Variants in POLN observed in about 807,000 individuals in gnomAD.
POLN encodes the protein DNA polymerase N.
Under a neutral mutation model 113.5 loss-of-function variants are expected in POLN, and 108 were observed. The ratio of observed to expected loss-of-function variants is 0.95; its 90% CI spans 0.81 to 1.12. POLN has a LOEUF of 1.12. Among genes scored for constraint, POLN ranks in the 50% most tolerant of loss-of-function variants. POLN has a pLI of 0.00. For synonymous variants in POLN, 386 were observed against 391.5 expected, an observed-to-expected ratio of 0.99 and a Z score of 0.17; for missense variants, 1,097 against 1,077.1, an observed-to-expected ratio of 1.02 and a Z score of -0.26.
At chr4:2,100,952 T>C (rs1375496601) in intron 19 of POLN, among the ~76,000 whole-genome samples, 1 of 152,228 alleles carries the variant, frequency 6.6e-6, no homozygotes, top group African/African-American at 2.4e-5. Flanking sequence ...GAAATACATA[T>C]ACAGAGTAGA....
At chr4:2,136,082 T>C (rs901629099) in intron 16 of POLN, among the ~76,000 whole-genome samples, 11 of 152,244 alleles carry the variant, frequency 7.2e-5, no homozygotes, top group Non-Finnish European at 2.9e-5. Context: ...TCCCCTCGTG[T>C]TGACCACCCA....
At position 2,241,682 on chromosome 4, in the gene POLN, A is replaced by G. The variant is rs1222828360; in HGVS notation, c.-175T>C. ...GACGCCAGGGCCGCGCGAACCCCAG[A>G]GGCAGCGGCAAGCCCCAGGGATCCG... On this transcript the variant is annotated 5_prime_UTR_variant, in exon 2 of 26. Transcript: ENST00000511885. The G allele has an allele frequency of 6.1e-6, 6 of 985,488 alleles. No individual in the cohort carries two copies. Among genetic ancestry groups the G allele is most frequent in the Non-Finnish European group, 7.2e-6 (6 of 829,950 alleles). 61.0% of individuals were successfully genotyped at this position (985,488 alleles called of 1,614,324 possible).
rs1457422676 is a variant in POLN, at chr4:2,127,300, G to C, written c.1982+813C>G. On this transcript the variant is annotated intron_variant, in intron 19 of 25. Coordinates refer to ENST00000511885, the MANE Select transcript of POLN (RefSeq NM_181808.4). The surrounding 1 kb of genome is among the most constrained non-coding windows in gnomAD (Gnocchi z 4.7). ...ACACTTCCCCCTCCCCTTCCTCAAAGGGGCACTGATGCACCCGGCCCGGTG... is the reference window on the plus strand; with the variant it reads ...ACACTTCCCCCTCCCCTTCCTCAAACGGGCACTGATGCACCCGGCCCGGTG... 6.6e-6 allele frequency among the ~76,000 whole-genome samples: 1 copy of C among 152,062 alleles called. No individual in the cohort carries two copies. The highest frequency in any genetic ancestry group is 1.5e-5 in the Non-Finnish European group (1 of 67,990).
rs572129414 is a variant in POLN at position 2,161,542 on chromosome 4, G to A, written c.1555-2331C>T. Among the ~76,000 whole-genome samples the A allele has an allele frequency of 2.1e-3, 316 of 152,334 alleles. 1 individual carries two copies. Among genetic ancestry groups the A allele is most frequent in the African/African-American group, 7.2e-3 (301 of 41,572 alleles). On this transcript the variant is annotated intron_variant, in intron 13 of 25. Coordinates refer to ENST00000511885, the MANE Select transcript of POLN (RefSeq NM_181808.4). ...GGGACCTGCAACCCGCCATGCCTTAGCCTCCCACCCCCTCCGTGGGCTCCT... is the reference window on the plus strand; with the variant it reads ...GGGACCTGCAACCCGCCATGCCTTAACCTCCCACCCCCTCCGTGGGCTCCT...
In POLN at chr4:2,231,693, T is replaced by C. The variant is rs78253267; in HGVS notation, c.-12-2450A>G. 1.2e-3 allele frequency: 379 copies of C among 311,840 alleles called. 1 individual carries two copies. The highest frequency in any genetic ancestry group is 7.4e-3 in the African/African-American group (342 of 46,212). 19.3% of individuals were successfully genotyped at this position (311,840 alleles called of 1,614,324 possible). On this transcript the variant is annotated intron_variant, in intron 2 of 25. Transcript: ENST00000511885. The stretch of plus-strand genomic sequence containing the variant: ...GCATTATGTAATAATGCTTTTTCCC[T>C]GTAAGTAAAAAATTACCAGGACTAA...
chr4:2,173,116 C>T (rs550363587), intron 11 of POLN, among the ~76,000 whole-genome samples: 5 of 152,214 alleles, frequency 3.3e-5, no homozygotes, highest in Admixed American at 2.6e-4. Flanking sequence ...AGAAAAGCAA[C>T]GATGAAAAGG....
At chr4:2,205,675 CCAGCCTG>C (rs1430829588) in intron 5 of POLN, among the ~76,000 whole-genome samples, 1 of 152,114 alleles carries the variant, frequency 6.6e-6, no homozygotes, top group Non-Finnish European at 1.5e-5. Context: ...GAGTTCGAGA[CCAGCCTG>C]GTCAATATGG....
chr4:2,222,772 G>A (rs540144591), intron 3 of POLN, among the ~76,000 whole-genome samples: 1 of 143,176 alleles, frequency 7.0e-6, no homozygotes, highest in South Asian at 2.2e-4. Flanking sequence ...GTCTTCAACT[G>A]CCTTGTACTT....
At chr4:2,170,181 CTG>C (rs1732824147) in intron 13 of POLN, among the ~76,000 whole-genome samples, 1 of 152,250 alleles carries the variant, frequency 6.6e-6, no homozygotes, top group Non-Finnish European at 1.5e-5. Flanking sequence ...GACTTCCACT[CTG>C]TGTCTTTTCA....
chr4:2,209,399 A>C (rs1261904375), intron 4 of POLN, among the ~76,000 whole-genome samples: 1 of 151,006 alleles, frequency 6.6e-6, no homozygotes, highest in Non-Finnish European at 1.5e-5. Flanking sequence ...GAATCGCTTG[A>C]ACCTGGAAGG....
intron 4 of POLN, among the ~76,000 whole-genome samples, chr4:2,210,799 T>C (rs891487616): frequency 2.1e-4 from 32 of 149,868 alleles, no homozygotes; most frequent in Admixed American, 5.3e-4. Flanking sequence ...CATGCACCTG[T>C]AACCCCAGCT....
chr4:2,155,623 T>G (rs1429187138), intron 16 of POLN, among the ~76,000 whole-genome samples: 5 of 152,142 alleles, frequency 3.3e-5, no homozygotes, highest in Non-Finnish European at 7.4e-5. Flanking sequence ...CATTTGCTCA[T>G]TCTGTAAACC....
At chr4:2,189,358 G>A (rs940021651) in intron 7 of POLN, among the ~76,000 whole-genome samples, 21 of 152,212 alleles carry the variant, frequency 1.4e-4, no homozygotes, top group Admixed American at 1.1e-3. Flanking sequence ...CAATGTTACC[G>A]GCCAGGCACA....
At chr4:2,167,278 T>G (rs1732752410) in intron 13 of POLN, among the ~76,000 whole-genome samples, 1 of 152,176 alleles carries the variant, frequency 6.6e-6, no homozygotes, top group Non-Finnish European at 1.5e-5. Flanking sequence ...ACCCCAAGGC[T>G]GGACCATCTT....
At chr4:2,115,659 C>T (rs866026946) in intron 19 of POLN, among the ~76,000 whole-genome samples, 2 of 152,030 alleles carry the variant, frequency 1.3e-5, no homozygotes, top group African/African-American at 4.8e-5. Context: ...AGATATTTTG[C>T]ATAAAAGAAT....
intron 16 of POLN, among the ~76,000 whole-genome samples, chr4:2,132,947 TTTTGAG>T (rs1731761552): frequency 1.3e-5 from 2 of 152,156 alleles, no homozygotes; most frequent in African/African-American, 4.8e-5. Flanking sequence ...AAATCAGCTT[TTTTGAG>T]TTCAATGGCT....
intron 13 of POLN, among the ~76,000 whole-genome samples, chr4:2,161,089 G>C (rs1430205253): frequency 6.6e-6 from 1 of 152,178 alleles, no homozygotes; most frequent in Admixed American, 6.5e-5. Flanking sequence ...CAGTGGTACT[G>C]AGAGGTGACA....
chr4:2,212,554 T>G (rs1000716032), intron 4 of POLN, among the ~76,000 whole-genome samples: 8 of 151,752 alleles, frequency 5.3e-5, no homozygotes, highest in African/African-American at 9.7e-5. Context: ...TTTTTTTTTT[T>G]GTATTATTTT....
At chr4:2,135,639 G>A (rs1418699390) in intron 16 of POLN, among the ~76,000 whole-genome samples, 2 of 152,222 alleles carry the variant, frequency 1.3e-5, no homozygotes, top group Non-Finnish European at 2.9e-5. Flanking sequence ...GACTGTGGTG[G>A]GAAGCGACAA....
Sources: allele counts gnomAD v4.1 joint callset (sites outside exome capture counted in the v4.1 genomes callset), GRCh38; gene constraint gnomAD v4.1.1; non-coding constraint Gnocchi (gnomAD v3.1); transcripts MANE v1.5; gene names NCBI Gene and HGNC (gene_info 2026-07-23, HGNC 2026-07-21).